The following NELL1 variants were observed in gnomAD, a reference collection of about 807,000 sequenced individuals.
NELL1 encodes the protein neural EGFL like 1.
A neutral mutation model predicts 107.4 loss-of-function variants in NELL1; 76 were observed. The observed-to-expected ratio is 0.71, with a 90% CI of 0.59 to 0.86. The LOEUF (loss-of-function observed/expected upper bound fraction) is 0.86. Ranked by LOEUF, NELL1 falls within the 40% of genes least tolerant of loss-of-function variation. The pLI, the probability that NELL1 is intolerant of heterozygous loss-of-function variation, is 0.00. For missense variants in NELL1, 1,024 were observed against 1,005.5 expected (o/e 1.02, Z -0.25); for synonymous variants, 353 against 341.2 (o/e 1.03, Z -0.38).
chr11:21,387,687 G>A (rs1851777790), intron 15 of NELL1, among the ~76,000 whole-genome samples: 1 of 151,720 alleles, frequency 6.6e-6, no homozygotes, highest in South Asian at 2.1e-4. Flanking sequence ...AACTGCAAGA[G>A]CTCATATCTT....
chr11:21,456,039 G>A (rs570809391), intron 15 of NELL1, among the ~76,000 whole-genome samples: 5 of 151,744 alleles, frequency 3.3e-5, no homozygotes, highest in South Asian at 2.1e-4. Context: ...CTACAGGCAC[G>A]TGCCACCAAG....
intron 12 of NELL1, among the ~76,000 whole-genome samples, chr11:20,979,792 C>G (rs1851712848): frequency 6.6e-6 from 1 of 152,174 alleles, no homozygotes; most frequent in Non-Finnish European, 1.5e-5. Context: ...GCTTCTGAGC[C>G]TCTTCATTTA....
At chr11:20,983,839 A>G (rs563063154) in intron 12 of NELL1, among the ~76,000 whole-genome samples, 25 of 152,256 alleles carry the variant, frequency 1.6e-4, no homozygotes, top group African/African-American at 5.3e-4. Context: ...ACAGTTTCTC[A>G]TTGCTGTAAG....
chr11:20,921,347 T>G (rs1451897158), intron 7 of NELL1, among the ~76,000 whole-genome samples: 1 of 152,154 alleles, frequency 6.6e-6, no homozygotes, highest in Non-Finnish European at 1.5e-5. Flanking sequence ...CTTTAATCTT[T>G]ACCACAATCC....
At chr11:20,763,564 A>G (rs1856467504) in intron 2 of NELL1, among the ~76,000 whole-genome samples, 1 of 152,194 alleles carries the variant, frequency 6.6e-6, no homozygotes, top group Non-Finnish European at 1.5e-5. Flanking sequence ...TCTGATCCCC[A>G]ATTCTACTTC....
intron 2 of NELL1, among the ~76,000 whole-genome samples, chr11:20,696,612 G>A (rs1432153903): frequency 1.3e-5 from 2 of 152,046 alleles, no homozygotes; most frequent in Non-Finnish European, 2.9e-5. Context: ...CCTATTATAG[G>A]TTGTAAGGAG....
intron 4 of NELL1, 133 bp from the exon 5 acceptor site, chr11:20,885,311 G>A (rs562546160): frequency 1.3e-5 from 8 of 632,742 alleles, no homozygotes; most frequent in African/African-American, 1.1e-4. Flanking sequence ...CATGTTATCT[G>A]TCATGTAAAG....
At chr11:21,276,591 T>A (rs1383047521) in intron 14 of NELL1, among the ~76,000 whole-genome samples, 2 of 152,064 alleles carry the variant, frequency 1.3e-5, no homozygotes, top group African/African-American at 4.8e-5. Flanking sequence ...CATTGCCAAG[T>A]CAATCCTAAG....
intron 2 of NELL1, among the ~76,000 whole-genome samples, chr11:20,753,384 A>C (rs1856187565): frequency 6.6e-6 from 1 of 152,146 alleles, no homozygotes; most frequent in African/African-American, 2.4e-5. Flanking sequence ...ATTAGAAATG[A>C]TTCACTCTGC....
rs149553160 is a variant in NELL1, at chr11:21,391,050, G to A, written c.1645+20102G>A. On this transcript the variant is annotated intron_variant, in intron 15 of 19. Coordinates refer to ENST00000357134, the MANE Select transcript of NELL1 (RefSeq NM_006157.5). ...TTCAATTAACTTCTTGAGGAAGGGT[G>A]CATAGAAACTAAGTTGTTCAAATGT... Among the ~76,000 whole-genome samples the A allele has an allele frequency of 5.9e-5, 9 of 151,792 alleles. No homozygotes were observed. The East Asian group carries it at 1.8e-3, about 30-fold the overall frequency.
intron 14 of NELL1, among the ~76,000 whole-genome samples, chr11:21,299,894 G>T (rs1450632874): frequency 2.6e-5 from 4 of 151,660 alleles, no homozygotes; most frequent in East Asian, 1.9e-4. Context: ...GCCATCATTT[G>T]CTCCCATGCC....
intron 3 of NELL1, among the ~76,000 whole-genome samples, chr11:20,801,775 C>A (rs1857285554): frequency 1.3e-5 from 2 of 152,172 alleles, no homozygotes; most frequent in African/African-American, 4.8e-5. Flanking sequence ...AGATAGGGGT[C>A]TAGTTTCATT....
At chr11:21,365,085 C>T (rs760177393) in intron 14 of NELL1, among the ~76,000 whole-genome samples, 22 of 152,152 alleles carry the variant, frequency 1.4e-4, no homozygotes, top group Non-Finnish European at 2.9e-4. Flanking sequence ...ATCAGTCCAC[C>T]GGGCATAGTT....
At chr11:20,868,722 G>T (rs1442419971) in intron 4 of NELL1, among the ~76,000 whole-genome samples, 1 of 152,080 alleles carries the variant, frequency 6.6e-6, no homozygotes, top group East Asian at 1.9e-4. Context: ...TACATATTGA[G>T]TAGGTCCATT....
intron 4 of NELL1, among the ~76,000 whole-genome samples, chr11:20,873,546 A>C (rs1216008394): frequency 6.6e-6 from 1 of 152,240 alleles, no homozygotes; most frequent in African/African-American, 2.4e-5. Context: ...TTTACAGAGC[A>C]GATGATCTGT....
intron 4 of NELL1, among the ~76,000 whole-genome samples, chr11:20,861,872 A>G (rs1848985626): frequency 1.3e-5 from 2 of 152,222 alleles, no homozygotes; most frequent in Non-Finnish European, 1.5e-5. Context: ...CTAAGTCTCA[A>G]TCATAAGATG....
At chr11:21,531,939 G>A (rs1856000780) in intron 15 of NELL1, among the ~76,000 whole-genome samples, 1 of 152,090 alleles carries the variant, frequency 6.6e-6, no homozygotes, top group African/African-American at 2.4e-5. Flanking sequence ...ATACTACTGT[G>A]ACTACCTACA....
chr11:20,694,421 C>A (rs1000007339), intron 2 of NELL1, among the ~76,000 whole-genome samples: 3 of 152,002 alleles, frequency 2.0e-5, no homozygotes, highest in African/African-American at 4.8e-5. Flanking sequence ...AATCTTTAAT[C>A]CATCTTGAGT....
intron 5 of NELL1, among the ~76,000 whole-genome samples, chr11:20,907,510 C>T (rs190824077): frequency 1.3e-5 from 2 of 152,116 alleles, no homozygotes; most frequent in South Asian, 2.1e-4. Flanking sequence ...CAAATTAAAC[C>T]TCCAATAATA....
Sources: allele counts gnomAD v4.1 joint callset (sites outside exome capture counted in the v4.1 genomes callset), GRCh38; gene constraint gnomAD v4.1.1; transcripts MANE v1.5; gene names NCBI Gene and HGNC (gene_info 2026-07-23, HGNC 2026-07-21).